The following CLVS1 variants were observed in gnomAD, a reference collection of about 807,000 sequenced individuals.
CLVS1 encodes clavesin 1, also known as clavesin-1.
A neutral mutation model predicts 33.1 loss-of-function variants in CLVS1; 10 were observed. The ratio of observed to expected loss-of-function variants is 0.30; its 90% confidence interval spans 0.19 to 0.51. The LOEUF (loss-of-function observed/expected upper bound fraction) is 0.51. CLVS1 is among the 20% of genes least tolerant of loss of function. The pLI, the probability that CLVS1 is intolerant of heterozygous loss-of-function variation, is 0.97. For missense variants in CLVS1, 343 were observed against 433.4 expected, an observed-to-expected ratio of 0.79 and a Z score of 1.85; for synonymous variants, 163 against 166.1, an observed-to-expected ratio of 0.98 and a Z score of 0.14.
intron 1 of CLVS1, among the ~76,000 whole-genome samples, chr8:61,116,177 G>A (rs1805720321): frequency 6.6e-6 from 1 of 151,938 alleles, no homozygotes; most frequent in South Asian, 2.1e-4. Flanking sequence ...GTCTTCTTTT[G>A]AGAAGTGTCT....
In CLVS1 at chr8:61,297,489, C is replaced by T. The variant is rs141576584; in HGVS notation, c.-151-2188C>T. Among the ~76,000 whole-genome samples the T allele has an allele frequency of 1.5e-3, 225 of 152,190 alleles. 1 individual carries two copies. The highest frequency in any genetic ancestry group is 3.4e-3 in the Middle Eastern group (1 of 294). ...TAATAGTTGACTCCCAGGTTTCTAG[C>T]GTGGGAAACTGCATGGAAGATGATG... On this transcript the variant is annotated intron_variant, in intron 1 of 5. Transcript: ENST00000325897.
At chr8:61,439,876 C>T (rs1816476676) in intron 3 of CLVS1, among the ~76,000 whole-genome samples, 1 of 151,934 alleles carries the variant, frequency 6.6e-6, no homozygotes, top group African/African-American at 2.4e-5. Context: ...ATGTAGGGAC[C>T]AACTCTTAAA....
At chr8:61,489,515 TATTG>T (rs1563577439) in intron 5 of CLVS1, among the ~76,000 whole-genome samples, 2 of 152,206 alleles carry the variant, frequency 1.3e-5, no homozygotes, top group Non-Finnish European at 1.5e-5. Flanking sequence ...AAGATTTATT[TATTG>T]ATTGATTGAT....
the CLVS1 span, among the ~76,000 whole-genome samples, chr8:61,032,756 T>G: frequency 6.6e-6 from 1 of 152,092 alleles, no homozygotes; most frequent in South Asian, 2.1e-4. Context: ...CTTCTTCCAG[T>G]GCTTTCTGGC....
intron 2 of CLVS1, among the ~76,000 whole-genome samples, chr8:61,305,347 C>T (rs1810584505): frequency 6.6e-6 from 1 of 152,052 alleles, no homozygotes; most frequent in Non-Finnish European, 1.5e-5. Flanking sequence ...CCCTTCCCCT[C>T]TCTGATTAAC....
At chr8:61,171,640 T>C (rs1807002740) in intron 2 of CLVS1, among the ~76,000 whole-genome samples, 1 of 152,140 alleles carries the variant, frequency 6.6e-6, no homozygotes, top group Non-Finnish European at 1.5e-5. Flanking sequence ...TTCCTCTTTT[T>C]AAAATAAGCA....
chr8:61,174,469 A>G (rs1052997299), intron 2 of CLVS1, among the ~76,000 whole-genome samples: 1 of 148,274 alleles, frequency 6.7e-6, no homozygotes, highest in South Asian at 2.2e-4. Context: ...ACAAACAAAC[A>G]AAAACCATAT....
chr8:61,462,463 C>T (rs7841542), intron 5 of CLVS1, among the ~76,000 whole-genome samples: 24,058 of 152,112 alleles, frequency 0.16, 5,273 homozygotes, highest in African/African-American at 0.5. Context: ...CATCTCACTG[C>T]AACCTCTGCC....
intron 3 of CLVS1, among the ~76,000 whole-genome samples, chr8:61,415,548 G>T (rs528609676): frequency 6.6e-6 from 1 of 152,162 alleles, no homozygotes; most frequent in African/African-American, 2.4e-5. Context: ...ATAATCAACT[G>T]TTCCATAGAT....
At chr8:61,200,389 G>C (rs1807702856) in intron 2 of CLVS1, among the ~76,000 whole-genome samples, 1 of 152,222 alleles carries the variant, frequency 6.6e-6, no homozygotes, top group Non-Finnish European at 1.5e-5. Flanking sequence ...CCAGAGTGCT[G>C]GGATTACAGG....
chr8:61,135,632 G>A (rs1806179265), intron 2 of CLVS1, among the ~76,000 whole-genome samples: 1 of 152,194 alleles, frequency 6.6e-6, no homozygotes, highest in Admixed American at 6.5e-5. Context: ...CTGAAGCCAA[G>A]ACTGGACACC....
chr8:61,213,463 G>A lies in CLVS1; in HGVS notation c.-152+81603G>A, dbSNP rs368600436. On this transcript the variant is annotated intron_variant, in intron 2 of 2. Transcript: ENST00000522621. ...GTCAGGGACCCCAAATGGAGGGACCGGCTGAAGCCATGGTAGAAGAATGTG... is the reference window on the plus strand; with the variant it reads ...GTCAGGGACCCCAAATGGAGGGACCAGCTGAAGCCATGGTAGAAGAATGTG... Among the ~76,000 whole-genome samples the A allele has an allele frequency of 8.7e-5, 13 of 148,970 alleles. No homozygotes were observed. In the East Asian group the frequency reaches 1.2e-3, roughly 14 times the overall value.
intron 2 of CLVS1, among the ~76,000 whole-genome samples, chr8:61,330,054 T>C (rs1411997956): frequency 1.3e-5 from 2 of 152,144 alleles, no homozygotes; most frequent in Admixed American, 6.5e-5. Context: ...CTGGTACCAC[T>C]CTACCTTTCT....
At chr8:61,068,158 C>T (rs776477101) in intron 1 of CLVS1, among the ~76,000 whole-genome samples, 42 of 142,104 alleles carry the variant, frequency 3.0e-4, no homozygotes, top group African/African-American at 9.6e-4. Context: ...GGTGACAGAG[C>T]GAGACTCTGT....
At chr8:61,044,589 T>G in the CLVS1 span, among the ~76,000 whole-genome samples, 1 of 152,198 alleles carries the variant, frequency 6.6e-6, no homozygotes, top group African/African-American at 2.4e-5. Context: ...AGGGGACTTC[T>G]TATGAGACCA....
In CLVS1 at chr8:61,148,854, C is replaced by T. The variant is rs72654649; in HGVS notation, c.-152+16994C>T. Among the ~76,000 whole-genome samples, 714 of 152,226 alleles carry T rather than the reference C, an allele frequency of 4.7e-3. 4 individuals are homozygous for T. The highest frequency in any genetic ancestry group is 7.0e-3 in the Non-Finnish European group (475 of 68,020). On this transcript the variant is annotated intron_variant, in intron 2 of 2. Coordinates refer to the CLVS1 transcript ENST00000522621. ...ATGTGTGTGTGCCGACACATGTGTA[C>T]GTGTGTCGTGATATCTGGGTTCAAA... is the stretch of plus-strand genomic sequence containing the variant.
At chr8:61,218,608 A>C (rs1408396054) in intron 2 of CLVS1, among the ~76,000 whole-genome samples, 1 of 148,916 alleles carries the variant, frequency 6.7e-6, no homozygotes, top group Non-Finnish European at 1.5e-5. Flanking sequence ...TATGTACTCC[A>C]TGAATATGTA....
chr8:61,429,355 G>T (rs1270124706), intron 3 of CLVS1, among the ~76,000 whole-genome samples: 1 of 148,402 alleles, frequency 6.7e-6, no homozygotes, highest in Non-Finnish European at 1.5e-5. Context: ...GGGAGGTAGA[G>T]GTTGCTGTGA....
At chr8:61,255,298 A>T (rs1809054529) in intron 2 of CLVS1, among the ~76,000 whole-genome samples, 1 of 152,218 alleles carries the variant, frequency 6.6e-6, no homozygotes, top group Non-Finnish European at 1.5e-5. Context: ...AGCAGACACT[A>T]AACATCTGAT....
Sources: gnomAD v4.1 joint callset for allele counts (sites outside exome capture counted in the v4.1 genomes callset) on GRCh38, gnomAD v4.1.1 for gene constraint, MANE v1.5 for transcripts, NCBI Gene and HGNC (gene_info 2026-07-23, HGNC 2026-07-21) for gene names.